PTPRD: variants seen among roughly 807,000 people sequenced by gnomAD.
The protein encoded by PTPRD is protein tyrosine phosphatase receptor type D.
A neutral mutation model predicts 214.5 loss-of-function variants in PTPRD; 34 were observed. That is an observed-to-expected ratio of 0.16 (90% CI 0.12 to 0.21). The LOEUF is 0.21. Ranked by LOEUF, PTPRD falls within the 10% of genes least tolerant of loss-of-function variation. PTPRD has a pLI of 1.00. For synonymous variants in PTPRD, 1,128 were observed against 845.7 expected (o/e 1.33, Z -5.79); for missense variants, 2,545 against 2,398.7 (o/e 1.06, Z -1.27).
At chr9:10,265,582 G>T (rs1382105613) in intron 3 of PTPRD, among the ~76,000 whole-genome samples, 1 of 152,172 alleles carries the variant, frequency 6.6e-6, no homozygotes, top group Non-Finnish European at 1.5e-5. Flanking sequence ...GGGCCATGTG[G>T]TCTCTATCAC....
intron 3 of PTPRD, among the ~76,000 whole-genome samples, chr9:10,250,077 C>T (rs998286669): frequency 6.6e-6 from 1 of 152,076 alleles, no homozygotes; most frequent in Admixed American, 6.6e-5. Flanking sequence ...AGTTACTGTA[C>T]TTTTCATATT....
At chr9:10,471,839 T>A (rs1303908120) in intron 2 of PTPRD, among the ~76,000 whole-genome samples, 1 of 152,030 alleles carries the variant, frequency 6.6e-6, no homozygotes, top group Non-Finnish European at 1.5e-5. Flanking sequence ...AACACACAAG[T>A]AAATTATACC....
intron 14 of PTPRD, among the ~76,000 whole-genome samples, chr9:8,538,358 A>G (rs897150957): frequency 4.0e-5 from 6 of 151,878 alleles, no homozygotes; most frequent in African/African-American, 1.4e-4. Context: ...AATAGTAAAC[A>G]AGGAAAGAGA....
rs185530747 is a variant in PTPRD at position 10,095,751 on chromosome 9, T to C, written c.-544-61961A>G. ...TTACATGAGTTATTATCAATGGCATTAATTTATACAACCAAAATGCATCCT... is the reference window on the plus strand; with the variant it reads ...TTACATGAGTTATTATCAATGGCATCAATTTATACAACCAAAATGCATCCT... On this transcript the variant is annotated intron_variant, in intron 3 of 45. Transcript: ENST00000381196. Among the ~76,000 whole-genome samples the C allele has an allele frequency of 4.0e-5, 6 of 151,722 alleles. No homozygotes were observed. The East Asian group carries it at 1.2e-3, about 30-fold the overall frequency.
At chr9:10,019,581 G>A (rs942430144) in intron 4 of PTPRD, among the ~76,000 whole-genome samples, 2 of 152,146 alleles carry the variant, frequency 1.3e-5, no homozygotes, top group Non-Finnish European at 2.9e-5. Context: ...TATACACCAT[G>A]GAATACTATG....
intron 8 of PTPRD, among the ~76,000 whole-genome samples, chr9:9,511,398 G>A (rs2096705448): frequency 1.3e-5 from 2 of 151,672 alleles, no homozygotes; most frequent in South Asian, 2.1e-4. Context: ...GTGAATATCT[G>A]TAGGCCATAT....
intron 9 of PTPRD, among the ~76,000 whole-genome samples, chr9:9,240,521 A>C (rs2099969823): frequency 6.6e-6 from 1 of 152,166 alleles, no homozygotes; most frequent in African/African-American, 2.4e-5. Flanking sequence ...AAATACAAAA[A>C]TTAGCTGGGC....
intron 12 of PTPRD, among the ~76,000 whole-genome samples, chr9:8,673,047 C>T (rs940335806): frequency 6.6e-6 from 1 of 152,008 alleles, no homozygotes; most frequent in African/African-American, 2.4e-5. Flanking sequence ...TTAGGTATTT[C>T]ATAAAACACT....
chr9:10,460,194 A>G (rs1306391220), intron 2 of PTPRD, among the ~76,000 whole-genome samples: 1 of 152,098 alleles, frequency 6.6e-6, no homozygotes, highest in Non-Finnish European at 1.5e-5. Context: ...AGACCCGTAA[A>G]CTGAAAACTA....
chr9:9,372,552 C>G (rs1485536589), intron 9 of PTPRD, among the ~76,000 whole-genome samples: 1 of 152,056 alleles, frequency 6.6e-6, no homozygotes, highest in Non-Finnish European at 1.5e-5. Flanking sequence ...ACTGATGGGT[C>G]TTGACTCTTT....
intron 11 of PTPRD, among the ~76,000 whole-genome samples, chr9:8,905,443 A>G (rs1307928967): frequency 6.6e-6 from 1 of 152,030 alleles, no homozygotes; most frequent in East Asian, 1.9e-4. Flanking sequence ...ACATCAGAGG[A>G]TAAAGAATTA....
rs553753217 is a variant in PTPRD, at chr9:10,040,241, A to G, written c.-544-6451T>C. On this transcript the variant is annotated intron_variant, in intron 3 of 45. Coordinates refer to ENST00000381196, the MANE Select transcript of PTPRD (RefSeq NM_002839.4). The stretch of plus-strand genomic sequence containing the variant: ...GACCAGAGAACCCAAAAGTCTTCCC[A>G]TTTTGTTGTCGTTTGATGTTATTGA... Among the ~76,000 whole-genome samples, 5 of 152,154 alleles carry G rather than the reference A, an allele frequency of 3.3e-5. No individual in the cohort carries two copies. In the East Asian group the frequency reaches 9.7e-4, roughly 29 times the overall value.
At chr9:9,598,110 C>A (rs2093492530) in intron 7 of PTPRD, among the ~76,000 whole-genome samples, 1 of 151,864 alleles carries the variant, frequency 6.6e-6, no homozygotes, top group Non-Finnish European at 1.5e-5. Flanking sequence ...ACTACTATCC[C>A]CAACACTCCT....
At chr9:8,804,554 G>A (rs1254486446) in intron 11 of PTPRD, among the ~76,000 whole-genome samples, 4 of 151,988 alleles carry the variant, frequency 2.6e-5, no homozygotes, top group African/African-American at 9.7e-5. Flanking sequence ...CTGTGATCAC[G>A]CCAATGCACT....
At chr9:9,914,396 G>A (rs771453872) in intron 5 of PTPRD, among the ~76,000 whole-genome samples, 25 of 152,204 alleles carry the variant, frequency 1.6e-4, no homozygotes, top group Non-Finnish European at 2.9e-4. Context: ...TTGAGCTTCA[G>A]GTGTCCACCC....
At chr9:9,947,907 G>A (rs973342676) in intron 4 of PTPRD, among the ~76,000 whole-genome samples, 3 of 151,476 alleles carry the variant, frequency 2.0e-5, no homozygotes, top group Non-Finnish European at 4.4e-5. Context: ...AAGAAAGACA[G>A]CCTTATAGGG....
At chr9:8,515,890 C>A (rs1400245273) in intron 21 of PTPRD, among the ~76,000 whole-genome samples, 1 of 152,130 alleles carries the variant, frequency 6.6e-6, no homozygotes, top group African/African-American at 2.4e-5. Flanking sequence ...AACCACTACA[C>A]TCTATAAGGT....
At chr9:10,495,757 A>G (rs1171289875) in intron 2 of PTPRD, among the ~76,000 whole-genome samples, 1 of 151,812 alleles carries the variant, frequency 6.6e-6, no homozygotes, top group African/African-American at 2.4e-5. Flanking sequence ...AAGAAACAAC[A>G]TGATTGCTGG....
At chr9:10,481,262 T>A (rs1424730285) in intron 2 of PTPRD, among the ~76,000 whole-genome samples, 1 of 152,186 alleles carries the variant, frequency 6.6e-6, no homozygotes, top group Non-Finnish European at 1.5e-5. Flanking sequence ...CATTTTAGGT[T>A]CATTCTAGTA....
Sources: gnomAD v4.1 joint callset for allele counts (sites outside exome capture counted in the v4.1 genomes callset) on GRCh38, gnomAD v4.1.1 for gene constraint, MANE v1.5 for transcripts, NCBI Gene and HGNC (gene_info 2026-07-23, HGNC 2026-07-21) for gene names.